DLC1: variants seen among roughly 807,000 people sequenced by gnomAD.
DLC1 encodes the protein DLC1 Rho GTPase activating protein, also known as rho GTPase-activating protein 7.
Under a neutral mutation model 140.3 loss-of-function variants are expected in DLC1, and 54 were observed. The ratio of observed to expected loss-of-function variants is 0.38; its 90% CI spans 0.31 to 0.48. The LOEUF is 0.48. Ranked by LOEUF, DLC1 falls within the 20% of genes least tolerant of loss-of-function variation. The pLI, the probability that DLC1 is intolerant of heterozygous loss-of-function variation, is 0.96. For synonymous variants in DLC1, 986 were observed against 728.1 expected (o/e 1.35, Z -5.70); for missense variants, 2,536 against 1,907.0 (o/e 1.33, Z -6.14).
intron 5 of DLC1, among the ~76,000 whole-genome samples, chr8:13,207,814 C>A (rs562677844): frequency 6.6e-6 from 1 of 152,082 alleles, no homozygotes; most frequent in African/African-American, 2.4e-5. Context: ...CAGTTCTCCA[C>A]GACAAAGAAT....
chr8:13,427,276 T>C (rs557867181), intron 2 of DLC1, among the ~76,000 whole-genome samples: 1 of 152,240 alleles, frequency 6.6e-6, no homozygotes, highest in East Asian at 1.9e-4. Context: ...CAGTTCTCTG[T>C]CCAACTCGGC....
Position 13,500,121 on chromosome 8 carries a change from A to G in DLC1, c.-50T>C. On this transcript the variant is annotated 5_prime_UTR_variant, in exon 2 of 18. Coordinates refer to ENST00000276297, the MANE Select transcript of DLC1 (RefSeq NM_182643.3). ...GAGAGATATATTCCATATGAGGGTA[A>G]AGGAGATGGAACTTGATGAAAGATT... 1 of 1,450,478 alleles carries G rather than the reference A, an allele frequency of 6.9e-7. No individual in the cohort carries two copies. Among genetic ancestry groups the G allele is most frequent in the Non-Finnish European group, 9.4e-7 (1 of 1,059,006 alleles). 89.9% of individuals were successfully genotyped at this position (1,450,478 alleles called of 1,614,324 possible).
At chr8:13,601,811 A>G (rs778086467) in intron 1 of DLC1, among the ~76,000 whole-genome samples, 1 of 151,818 alleles carries the variant, frequency 6.6e-6, no homozygotes, top group Non-Finnish European at 1.5e-5. Flanking sequence ...CAACAACAAC[A>G]ACAGCAAAAC....
intron 5 of DLC1, chr8:13,133,014 G>C: frequency 6.2e-7 from 1 of 1,603,204 alleles, no homozygotes; most frequent in Non-Finnish European, 8.5e-7. Flanking sequence ...AGCGCTGTGG[G>C]GAAGTCGAGG....
chr8:13,088,494 C>T lies in DLC1; in HGVS notation c.4285G>A (p.Val1429Ile). 1 of 1,614,222 alleles carries T rather than the reference C, an allele frequency of 6.2e-7. No homozygotes were observed. The highest frequency in any genetic ancestry group is 8.5e-7 in the Non-Finnish European group (1 of 1,180,036). ...MAPHPARDYV[V>I]LRTWRTNLPK... The stretch of plus-strand genomic sequence containing the variant: ...CAACTGGGAAGCGCTCACCTTAAAA[C>T]AACGTAGTCTCGAGCAGGATGAGGT... The change falls in exon 16 of 18, where the codon GTT becomes ATT. Residue 1429 changes from valine (V) to isoleucine (I), a missense_variant. Physicochemically the swap from Val to Ile is conservative, Grantham distance 29. Coordinates refer to ENST00000276297, the MANE Select transcript of DLC1 (RefSeq NM_182643.3).
chr8:13,330,140 T>C (rs1294761976), intron 4 of DLC1, among the ~76,000 whole-genome samples: 1 of 152,096 alleles, frequency 6.6e-6, no homozygotes, highest in Non-Finnish European at 1.5e-5. Context: ...AATTTTAAAT[T>C]TTTTTGTAGA....
At position 13,387,828 on chromosome 8, in the gene DLC1, A is replaced by G. The variant is rs1308508460; in HGVS notation, c.1314+5725T>C. Reference sequence around the variant, plus strand: ...TAAACCCAAATGTCAATGTACCTGCAGCATATTTATTATTTGTAGCAAAGA... The same window carrying G: ...TAAACCCAAATGTCAATGTACCTGCGGCATATTTATTATTTGTAGCAAAGA... On this transcript the variant is annotated intron_variant, in intron 4 of 17. Coordinates refer to ENST00000276297, the MANE Select transcript of DLC1 (RefSeq NM_182643.3). Among the ~76,000 whole-genome samples, 22 of 152,028 alleles carry G rather than the reference A, an allele frequency of 1.4e-4. 1 individual carries two copies. Among genetic ancestry groups the G allele is most frequent in the Admixed American group, 1.4e-3 (22 of 15,246 alleles).
chr8:13,187,169 C>T (rs1826422256), intron 5 of DLC1, among the ~76,000 whole-genome samples: 1 of 151,874 alleles, frequency 6.6e-6, no homozygotes, highest in Admixed American at 6.6e-5. Context: ...TTCCATAGCA[C>T]TTATTACCTT....
intron 1 of DLC1, among the ~76,000 whole-genome samples, chr8:13,589,998 G>T (rs1374055890): frequency 2.0e-5 from 3 of 150,884 alleles, no homozygotes. Flanking sequence ...AATTTCAACA[G>T]CGAACATGCA....
chr8:13,553,567 G>T (rs62492126), intron 1 of DLC1, among the ~76,000 whole-genome samples: 1,833 of 151,842 alleles, frequency 0.012, 20 homozygotes, highest in Non-Finnish European at 0.02. Flanking sequence ...GCTCAAGCTG[G>T]TCTCAAACTC....
chr8:13,488,521 T>A (rs76644773), intron 2 of DLC1, among the ~76,000 whole-genome samples: 5,181 of 152,104 alleles, frequency 0.034, 286 homozygotes, highest in African/African-American at 0.12. Context: ...AACAGAACAG[T>A]TAAAATGCCA....
In DLC1 at chr8:13,100,492, G is replaced by T. The variant is rs373454336; in HGVS notation, c.1845C>A (p.Thr615=). Residue 615 remains threonine, a synonymous_variant, in exon 9 of 18, where the codon ACC becomes ACA. Transcript: ENST00000276297. ...CGCTGATGACGGAGTTAGTCCGGGG[G>T]GTGGCAGCATCCTCGCTGGGGGGCG... ...SHAPPSEDAA[T]PRTNSVISVC... The T allele has an allele frequency of 6.2e-7, 1 of 1,612,734 alleles. No individual in the cohort carries two copies. The highest frequency in any genetic ancestry group is 1.7e-5 in the Admixed American group (1 of 60,008).
chr8:13,114,577 A>G (rs1169105195), intron 6 of DLC1, among the ~76,000 whole-genome samples: 1 of 152,186 alleles, frequency 6.6e-6, no homozygotes, highest in Non-Finnish European at 1.5e-5. Context: ...CACAGAAAAC[A>G]TAATATTCAT....
chr8:13,173,595 C>A (rs779174419), intron 5 of DLC1, among the ~76,000 whole-genome samples: 5 of 152,184 alleles, frequency 3.3e-5, no homozygotes, highest in Admixed American at 3.3e-4. Context: ...TGGCCTCGAT[C>A]TCCTGACCTC....
chr8:13,572,753 A>G (rs970863939), intron 1 of DLC1, among the ~76,000 whole-genome samples: 2 of 152,124 alleles, frequency 1.3e-5, no homozygotes, highest in African/African-American at 4.8e-5. Context: ...CCCCCATTGA[A>G]TGGTCTTAGC....
At chr8:13,311,007 A>C (rs935616984) in intron 4 of DLC1, among the ~76,000 whole-genome samples, 1 of 152,170 alleles carries the variant, frequency 6.6e-6, no homozygotes, top group African/African-American at 2.4e-5. Flanking sequence ...ACTTGTTCTA[A>C]ATAATAGACA....
At chr8:13,461,781 G>C (rs1799671854) in intron 2 of DLC1, among the ~76,000 whole-genome samples, 1 of 152,148 alleles carries the variant, frequency 6.6e-6, no homozygotes, top group Non-Finnish European at 1.5e-5. Context: ...TAGTGGCAGA[G>C]GGAGCCTCAT....
At chr8:13,159,782 T>C (rs1824537420) in intron 5 of DLC1, among the ~76,000 whole-genome samples, 1 of 148,388 alleles carries the variant, frequency 6.7e-6, no homozygotes, top group African/African-American at 2.5e-5. Flanking sequence ...CCAGGGAGTG[T>C]GTGAATCTGA....
intron 1 of DLC1, among the ~76,000 whole-genome samples, chr8:13,501,289 A>G (rs1163398408): frequency 6.6e-6 from 1 of 152,142 alleles, no homozygotes; most frequent in Non-Finnish European, 1.5e-5. Context: ...AGGTACCCAA[A>G]TTTTTGCCTT....
Sources: allele counts gnomAD v4.1 joint callset (sites outside exome capture counted in the v4.1 genomes callset), GRCh38; gene constraint gnomAD v4.1.1; transcripts MANE v1.5; gene names NCBI Gene and HGNC (gene_info 2026-07-23, HGNC 2026-07-21).